The following FHIT variants were observed in gnomAD, a reference collection of about 807,000 sequenced individuals.
The protein encoded by FHIT is bis(5'-adenosyl)-triphosphatase.
In FHIT, 19 loss-of-function variants were observed where a neutral mutation model predicts 17.9. That is an observed-to-expected ratio of 1.06 (90% CI 0.74 to 1.56). The LOEUF is 1.56. FHIT is among the 40% of genes most tolerant of loss of function. FHIT has a pLI of 0.00. For missense variants in FHIT, 248 were observed against 189.2 expected, an observed-to-expected ratio of 1.31 and a Z score of -1.82; for synonymous variants, 81 against 69.7, an observed-to-expected ratio of 1.16 and a Z score of -0.81.
chr3:60,684,382 G>T (rs965287956), intron 4 of FHIT, among the ~76,000 whole-genome samples: 1 of 152,068 alleles, frequency 6.6e-6, no homozygotes. Context: ...ATGTGGATAC[G>T]TTTGCAGAGC....
chr3:60,637,453 T>C (rs2039616733), intron 4 of FHIT, among the ~76,000 whole-genome samples: 1 of 152,166 alleles, frequency 6.6e-6, no homozygotes, highest in South Asian at 2.1e-4. Flanking sequence ...AAAAAATAAC[T>C]ACTATGACCA....
At chr3:60,597,769 C>T (rs1213804426) in intron 4 of FHIT, among the ~76,000 whole-genome samples, 8 of 152,144 alleles carry the variant, frequency 5.3e-5, no homozygotes, top group African/African-American at 1.2e-4. Context: ...AAACCTAATT[C>T]TTCTTGCTTT....
At chr3:60,715,030 A>G (rs1213996747) in intron 4 of FHIT, among the ~76,000 whole-genome samples, 1 of 152,204 alleles carries the variant, frequency 6.6e-6, no homozygotes, top group East Asian at 1.9e-4. Context: ...CCTGACTTCA[A>G]ACTATACTAC....
chr3:60,802,771 T>TAA lies in FHIT; in HGVS notation c.-18+19146_-18+19147dup, dbSNP rs5849390. ...GGTGCCAGCATCAAATAAACAGGCT[T>TAA]AAAAAAAAAATTCCAGGAAACTTAA... On this transcript the variant is annotated intron_variant, in intron 4 of 9. Coordinates refer to ENST00000492590, the MANE Select transcript of FHIT (RefSeq NM_002012.4). 2.0e-4 allele frequency among the ~76,000 whole-genome samples: 30 copies of TAA among 150,404 alleles called. 1 individual carries two copies. The highest frequency in any genetic ancestry group is 3.2e-3 in the Middle Eastern group (1 of 316).
intron 5 of FHIT, among the ~76,000 whole-genome samples, chr3:60,105,057 C>T (rs556773290): frequency 3.3e-5 from 5 of 152,308 alleles, no homozygotes; most frequent in African/African-American, 1.2e-4. Context: ...CTGCTCTGTA[C>T]CGTTCACACT....
At chr3:60,937,427 G>A (rs1708236106) in intron 3 of FHIT, among the ~76,000 whole-genome samples, 1 of 152,088 alleles carries the variant, frequency 6.6e-6, no homozygotes, top group African/African-American at 2.4e-5. Context: ...CCCCTAATGT[G>A]TAGTTTGAAC....
chr3:60,014,333 A>G (rs1250596317), intron 5 of FHIT, among the ~76,000 whole-genome samples, 181 bp from the exon 6 acceptor site: 1 of 152,214 alleles, frequency 6.6e-6, no homozygotes, highest in African/African-American at 2.4e-5. Context: ...GCTCCCATAC[A>G]TGGATAATTA....
At chr3:60,316,060 C>G (rs562293246) in intron 5 of FHIT, among the ~76,000 whole-genome samples, 2 of 152,242 alleles carry the variant, frequency 1.3e-5, no homozygotes, top group East Asian at 3.9e-4. Flanking sequence ...ATGAACATGA[C>G]ATTGTTCTTG....
At chr3:60,412,286 G>A (rs932016859) in intron 5 of FHIT, among the ~76,000 whole-genome samples, 2 of 152,030 alleles carry the variant, frequency 1.3e-5, no homozygotes, top group African/African-American at 4.8e-5. Flanking sequence ...CTTGAGGAAG[G>A]TGGGGGAAAA....
intron 5 of FHIT, among the ~76,000 whole-genome samples, chr3:60,519,082 G>T (rs2035265233): frequency 6.6e-6 from 1 of 152,128 alleles, no homozygotes; most frequent in South Asian, 2.1e-4. Context: ...ATGTTATAAA[G>T]TGTTTCTCTT....
chr3:60,510,418 G>C (rs192465327), intron 5 of FHIT, among the ~76,000 whole-genome samples: 1 of 152,174 alleles, frequency 6.6e-6, no homozygotes, highest in African/African-American at 2.4e-5. Context: ...CCCCTAAGAA[G>C]TATTCTCTCT....
At chr3:60,623,001 T>C (rs925392977) in intron 4 of FHIT, among the ~76,000 whole-genome samples, 3 of 152,190 alleles carry the variant, frequency 2.0e-5, no homozygotes, top group African/African-American at 7.2e-5. Context: ...ACACCTTAAC[T>C]TGCAGTGGGT....
At chr3:60,825,689 C>T (rs1310857317) in intron 3 of FHIT, among the ~76,000 whole-genome samples, 1 of 152,118 alleles carries the variant, frequency 6.6e-6, no homozygotes, top group Non-Finnish European at 1.5e-5. Context: ...TGATGAGACC[C>T]TAACGCCTGA....
intron 5 of FHIT, among the ~76,000 whole-genome samples, chr3:60,140,161 A>C (rs1443946934): frequency 6.6e-6 from 1 of 152,096 alleles, no homozygotes; most frequent in Non-Finnish European, 1.5e-5. Context: ...ACAGATTGAT[A>C]ATTGTAAGAA....
At chr3:60,834,264 TTTG>T (rs554816476) in intron 3 of FHIT, among the ~76,000 whole-genome samples, 249 of 152,346 alleles carry the variant, frequency 1.6e-3, no homozygotes, top group Non-Finnish European at 2.9e-3. Context: ...CTCACCAGAA[TTTG>T]TTGTTATCAT....
At chr3:60,603,980 G>A (rs1183319492) in intron 4 of FHIT, among the ~76,000 whole-genome samples, 9 of 152,110 alleles carry the variant, frequency 5.9e-5, no homozygotes, top group Non-Finnish European at 1.0e-4. Context: ...TAATAATGGT[G>A]ACGAAGAGAC....
intron 3 of FHIT, among the ~76,000 whole-genome samples, chr3:60,826,614 G>C (rs115088320): frequency 0.016 from 2,362 of 152,292 alleles, 60 homozygotes; most frequent in African/African-American, 0.054. Flanking sequence ...GTGATTCCTA[G>C]CAGACTGTCT....
chr3:60,486,867 A>G (rs1202340826), intron 5 of FHIT, among the ~76,000 whole-genome samples: 1 of 152,146 alleles, frequency 6.6e-6, no homozygotes, highest in Non-Finnish European at 1.5e-5. Context: ...CTTCAGTTAA[A>G]ACCACTGCCC....
chr3:59,918,569 C>T (rs1046438203), intron 8 of FHIT, among the ~76,000 whole-genome samples: 1 of 152,110 alleles, frequency 6.6e-6, no homozygotes, highest in African/African-American at 2.4e-5. Flanking sequence ...GGAGATTAAA[C>T]AGATGTTTCA....
Sources: gnomAD v4.1 joint callset for allele counts (sites outside exome capture counted in the v4.1 genomes callset) on GRCh38, gnomAD v4.1.1 for gene constraint, MANE v1.5 for transcripts, NCBI Gene and HGNC (gene_info 2026-07-23, HGNC 2026-07-21) for gene names.